The following OSBP variants were observed in gnomAD, a reference collection of about 807,000 sequenced individuals.
The protein encoded by OSBP is oxysterol-binding protein 1.
OSBP carries 32 observed loss-of-function variants against 96.6 expected under a neutral mutation model. The observed-to-expected ratio is 0.33, with a 90% CI of 0.25 to 0.45. OSBP has a LOEUF of 0.45. OSBP is among the 20% of genes least tolerant of loss of function. OSBP has a pLI of 1.00. For missense variants in OSBP, 653 were observed against 1,029.7 expected (o/e 0.63, Z 5.01); for synonymous variants, 369 against 389.6 (o/e 0.95, Z 0.62).
intron 12 of OSBP, 41 bp from the exon 13 acceptor site, chr11:59,577,066 G>A: frequency 2.0e-6 from 3 of 1,533,898 alleles, no homozygotes; most frequent in Non-Finnish European, 2.7e-6. Context: ...TAATCCCAGA[G>A]CCCAGACCCT....
rs372933300 is a variant in OSBP at position 59,589,609 on chromosome 11, T to C, written c.1678+3995A>G. ...CAGCAAGACTTTGTCTCAAAAAAAATAAATAAATAAATAAAAATAAATGCA... is the reference window on the plus strand; with the variant it reads ...CAGCAAGACTTTGTCTCAAAAAAAACAAATAAATAAATAAAAATAAATGCA... On this transcript the variant is annotated intron_variant, in intron 9 of 13. Transcript: ENST00000263847. 9.9e-4 allele frequency among the ~76,000 whole-genome samples: 149 copies of C among 151,070 alleles called. 1 individual carries two copies. In the South Asian group the frequency reaches 0.026, roughly 27 times the overall value.
intron 11 of OSBP, among the ~76,000 whole-genome samples, chr11:59,579,011 T>A (rs1236569584): frequency 6.6e-6 from 1 of 152,232 alleles, no homozygotes; most frequent in Non-Finnish European, 1.5e-5. Context: ...CAGCAAATAC[T>A]AGACTTTATT....
Position 59,594,170 on chromosome 11 carries a change from C to T in OSBP, c.1397G>A (p.Cys466Tyr), listed in dbSNP as rs753738134. ...YHELLDRAAK[C>Y]ENSLEQLCYV... The stretch of plus-strand genomic sequence containing the variant: ...ACAGAGCTGTTCTAGAGAATTCTCA[C>T]ATTTTGCAGCTCGGTCTAACAGCTC... Residue 466 changes from cysteine (C) to tyrosine (Y), a missense_variant, in exon 8 of 14, where the codon TGT (cysteine) becomes TAT (tyrosine). This residue lies in a region of OSBP where 308 missense variants were observed against 573.1 expected (regional missense o/e 0.54). Coordinates refer to ENST00000263847, the MANE Select transcript of OSBP (RefSeq NM_002556.3). 6.2e-7 allele frequency: 1 copy of T among 1,614,142 alleles called. No individual in the cohort carries two copies. Among genetic ancestry groups the T allele is most frequent in the Non-Finnish European group, 8.5e-7 (1 of 1,180,008 alleles).
At chr11:59,591,975 A>G (rs1455672022) in intron 9 of OSBP, among the ~76,000 whole-genome samples, 1 of 152,184 alleles carries the variant, frequency 6.6e-6, no homozygotes, top group Non-Finnish European at 1.5e-5. Context: ...ATACCCAGGT[A>G]TGGATGGCTG....
At chr11:59,594,397 A>AGT in intron 7 of OSBP, 142 bp from the exon 8 acceptor site, 1 of 712,774 alleles carries the variant, frequency 1.4e-6, no homozygotes, top group Non-Finnish European at 2.3e-6. Context: ...ACCCGCAAAC[A>AGT]ACCCATTCTC....
intron 7 of OSBP, among the ~76,000 whole-genome samples, chr11:59,596,348 G>A (rs1471001223): frequency 2.6e-5 from 4 of 152,158 alleles, no homozygotes; most frequent in African/African-American, 9.7e-5. Context: ...GACAGGCAGT[G>A]TACTCCACTG....
chr11:59,604,488 G>A (rs1345020272), intron 3 of OSBP, among the ~76,000 whole-genome samples: 3 of 151,586 alleles, frequency 2.0e-5, no homozygotes, highest in Admixed American at 6.6e-5. Context: ...AATCACCTGA[G>A]GTTAGGTGTC....
intron 1 of OSBP, among the ~76,000 whole-genome samples, chr11:59,611,135 CAAA>C (rs35074206): frequency 5.0e-5 from 3 of 60,100 alleles, no homozygotes; most frequent in Non-Finnish European, 1.2e-4. Context: ...AACTCCGTCT[CAAA>C]AAAAAAAAAA....
Position 59,597,068 on chromosome 11 carries a change from C to CA in OSBP, c.1312-2814_1312-2813insT, listed in dbSNP as rs1565118215. Reference sequence around the variant, plus strand: ...ACCTAGACCCAGAAGCTATTTCTTTCTTTTTTTTGAGATGGAGTCTCACTC... The same window carrying CA: ...ACCTAGACCCAGAAGCTATTTCTTTCATTTTTTTTGAGATGGAGTCTCACTC... On this transcript the variant is annotated intron_variant, in intron 7 of 13. Transcript: ENST00000263847. Among the ~76,000 whole-genome samples the CA allele has an allele frequency of 8.6e-5, 13 of 151,862 alleles. No homozygotes were observed. In the South Asian group the frequency reaches 2.5e-3, roughly 29 times the overall value.
chr11:59,593,474 G>C, intron 9 of OSBP, 130 bp downstream of exon 9: 3 of 987,020 alleles, frequency 3.0e-6, no homozygotes, highest in Non-Finnish European at 4.7e-6. Flanking sequence ...CCTGCCCAAA[G>C]CCAGTTAGTG....
intron 3 of OSBP, among the ~76,000 whole-genome samples, chr11:59,608,221 G>A (rs1485497966): frequency 6.6e-6 from 1 of 152,152 alleles, no homozygotes; most frequent in Non-Finnish European, 1.5e-5. Flanking sequence ...AGTGGTTGCA[G>A]AGCAGTCAGT....
chr11:59,612,879 T>G (rs1258600011), intron 1 of OSBP, among the ~76,000 whole-genome samples: 2 of 152,146 alleles, frequency 1.3e-5, no homozygotes, highest in African/African-American at 4.8e-5. Flanking sequence ...ATGGGACATC[T>G]AAGTAACTGG....
chr11:59,599,836 T>TG (rs1313365197), intron 7 of OSBP, among the ~76,000 whole-genome samples: 1 of 152,188 alleles, frequency 6.6e-6, no homozygotes, highest in Non-Finnish European at 1.5e-5. Context: ...TTGGGATGCG[T>TG]GGGGTAGAGC....
rs113524463 is a variant in OSBP at position 59,609,432 on chromosome 11, T to A, written c.572-698A>T. ...TCAACACTTTGTAACTGCAAAGTGC[T>A]TTTCTAGCAGTGTCACTTCCTTTGG... On this transcript the variant is annotated intron_variant, in intron 2 of 13. Transcript: ENST00000263847. Among the ~76,000 whole-genome samples, 591 of 152,048 alleles carry A rather than the reference T, an allele frequency of 3.9e-3. 1 individual carries two copies. Among genetic ancestry groups the A allele is most frequent in the Non-Finnish European group, 6.3e-3 (427 of 67,978 alleles).
intron 9 of OSBP, among the ~76,000 whole-genome samples, chr11:59,587,996 T>C (rs145274236): frequency 1.3e-5 from 2 of 152,194 alleles, no homozygotes; most frequent in Admixed American, 6.5e-5. Flanking sequence ...CATCAACAGA[T>C]GAATGGATAA....
chr11:59,595,368 G>A (rs898747419), intron 7 of OSBP, among the ~76,000 whole-genome samples: 20 of 151,870 alleles, frequency 1.3e-4, no homozygotes, highest in African/African-American at 4.1e-4. Flanking sequence ...CTTAAGCAAC[G>A]CTTTACTTAA....
chr11:59,585,927 G>T (rs985409363), intron 9 of OSBP, among the ~76,000 whole-genome samples: 3 of 152,068 alleles, frequency 2.0e-5, no homozygotes, highest in African/African-American at 7.2e-5. Context: ...TGGATTAAGG[G>T]CGGTGCAAGA....
intron 3 of OSBP, among the ~76,000 whole-genome samples, chr11:59,605,405 T>A (rs1460600697): frequency 1.3e-5 from 2 of 151,942 alleles, no homozygotes; most frequent in East Asian, 1.9e-4. Context: ...CCCTTTTATT[T>A]CATTTATTTA....
Position 59,608,711 on chromosome 11 carries a change from C to A in OSBP, c.595G>T (p.Val199Phe). Residue 199 changes from valine (V) to phenylalanine (F), a missense_variant, in exon 3 of 14, where the codon GTC becomes TTC. Coordinates refer to ENST00000263847, the MANE Select transcript of OSBP (RefSeq NM_002556.3). ...AGCTCAGTCTTGTCAGTTTGTGAGACAGACTCTTCATCTCCTGATTCATCT... is the reference window on the plus strand; with the variant it reads ...AGCTCAGTCTTGTCAGTTTGTGAGAAAGACTCTTCATCTCCTGATTCATCT... The part of the protein sequence containing the change: ...ESDESGDEES[V>F]SQTDKTELQN... 1 of 1,614,064 alleles carries A rather than the reference C, an allele frequency of 6.2e-7. No homozygotes were observed. Among genetic ancestry groups the A allele is most frequent in the South Asian group, 1.1e-5 (1 of 91,078 alleles).
Sources: allele counts gnomAD v4.1 joint callset (sites outside exome capture counted in the v4.1 genomes callset), GRCh38; gene constraint gnomAD v4.1.1; regional missense constraint gnomAD v4.1.1; transcripts MANE v1.5; gene names NCBI Gene and HGNC (gene_info 2026-07-23, HGNC 2026-07-21).